Variants in RIMS1 observed in about 807,000 individuals in gnomAD.
RIMS1 encodes regulating synaptic membrane exocytosis protein 1.
In RIMS1, 83 loss-of-function variants were observed where a neutral mutation model predicts 214.1. The ratio of observed to expected loss-of-function variants is 0.39; its 90% CI spans 0.32 to 0.47. RIMS1 has a LOEUF of 0.47. Ranked by LOEUF, RIMS1 falls within the 20% of genes least tolerant of loss-of-function variation. RIMS1 has a pLI of 0.99. For synonymous variants in RIMS1, 793 were observed against 786.8 expected (o/e 1.01, Z -0.13); for missense variants, 2,050 against 2,161.8 (o/e 0.95, Z 1.03).
At chr6:71,911,377 G>T (rs1279856603) in intron 1 of RIMS1, among the ~76,000 whole-genome samples, 1 of 151,950 alleles carries the variant, frequency 6.6e-6, no homozygotes, top group Non-Finnish European at 1.5e-5. Flanking sequence ...GAATTAGAAT[G>T]GTAAATGGAC....
rs532242783 is a variant in RIMS1 at position 72,005,169 on chromosome 6, T to A, written c.245+36106T>A. ...TTGTTTTTCTCAGCTGTGTCAAAGA[T>A]CAGATAGTTTTAGATATGCGGCGTT... On this transcript the variant is annotated intron_variant, in intron 2 of 33. Coordinates refer to ENST00000521978, the MANE Select transcript of RIMS1 (RefSeq NM_014989.7). Among the ~76,000 whole-genome samples, 3 of 152,300 alleles carry A rather than the reference T, an allele frequency of 2.0e-5. No homozygotes were observed. The East Asian group carries it at 5.8e-4, about 29-fold the overall frequency.
chr6:72,074,101 C>A (rs1271828437), intron 2 of RIMS1, among the ~76,000 whole-genome samples: 1 of 152,046 alleles, frequency 6.6e-6, no homozygotes, highest in Non-Finnish European at 1.5e-5. Flanking sequence ...TGGTCTGGAA[C>A]CTTTAAGTCT....
chr6:72,107,770 T>A (rs1386107400), intron 4 of RIMS1, among the ~76,000 whole-genome samples: 1 of 152,180 alleles, frequency 6.6e-6, no homozygotes, highest in Non-Finnish European at 1.5e-5. Context: ...GCTAATTAAA[T>A]GAGAGAAGAA....
At chr6:71,924,493 T>G (rs1209908572) in intron 1 of RIMS1, among the ~76,000 whole-genome samples, 1 of 151,780 alleles carries the variant, frequency 6.6e-6, no homozygotes, top group Admixed American at 6.6e-5. Context: ...TCTTTATTTG[T>G]TTTAAACATA....
intron 6 of RIMS1, chr6:72,216,544 T>C (rs1243089423): frequency 2.0e-6 from 2 of 985,368 alleles, no homozygotes; most frequent in Non-Finnish European, 2.4e-6. Flanking sequence ...CTGAGTAAGA[T>C]TCCTCAGTTA....
chr6:72,111,699 A>G (rs978693558), intron 4 of RIMS1, among the ~76,000 whole-genome samples: 3 of 152,176 alleles, frequency 2.0e-5, no homozygotes, highest in Non-Finnish European at 2.9e-5. Flanking sequence ...TGAAAAGTCT[A>G]TGAAAGATGC....
chr6:72,272,142 G>A (rs945224814), intron 22 of RIMS1, among the ~76,000 whole-genome samples: 2 of 152,232 alleles, frequency 1.3e-5, no homozygotes, highest in East Asian at 1.9e-4. Flanking sequence ...AATCTCCAAC[G>A]TAGCCTGCCA....
At chr6:71,927,584 T>C (rs560051735) in intron 1 of RIMS1, among the ~76,000 whole-genome samples, 1 of 152,192 alleles carries the variant, frequency 6.6e-6, no homozygotes, top group South Asian at 2.1e-4. Context: ...TGTGAAAATA[T>C]GTTAGGATTA....
intron 8 of RIMS1, among the ~76,000 whole-genome samples, chr6:72,236,710 A>G (rs2064209620): frequency 6.6e-6 from 1 of 151,412 alleles, no homozygotes; most frequent in Non-Finnish European, 1.5e-5. Flanking sequence ...AGCTTCCCTG[A>G]GCAACATTGG....
chr6:72,067,904 G>A (rs1829700985), intron 2 of RIMS1, among the ~76,000 whole-genome samples: 1 of 152,090 alleles, frequency 6.6e-6, no homozygotes, highest in Admixed American at 6.6e-5. Flanking sequence ...AATTATGTGA[G>A]GGCAATGTTT....
chr6:72,007,043 C>T (rs551660432), intron 2 of RIMS1, among the ~76,000 whole-genome samples: 2 of 152,328 alleles, frequency 1.3e-5, no homozygotes, highest in African/African-American at 4.8e-5. Flanking sequence ...GGGTCCCTGA[C>T]ACCCAAGTAG....
intron 8 of RIMS1, 111 bp from the exon 9 acceptor site, chr6:72,237,712 T>G (rs2064839712): frequency 2.5e-6 from 2 of 787,560 alleles, no homozygotes; most frequent in Admixed American, 2.6e-5. Context: ...CATTAATGTT[T>G]CTACATGCAA....
At chr6:72,270,237 TATTA>T (rs994811173) in intron 22 of RIMS1, among the ~76,000 whole-genome samples, 21 of 152,190 alleles carry the variant, frequency 1.4e-4, no homozygotes, top group African/African-American at 4.8e-4. Context: ...TAACTATGTG[TATTA>T]ATTAAAATAA....
chr6:71,906,400 A>T lies in RIMS1; in HGVS notation c.164+19213A>T, dbSNP rs117282307. Among the ~76,000 whole-genome samples, 209 of 152,256 alleles carry T rather than the reference A, an allele frequency of 1.4e-3. 1 individual carries two copies. Among genetic ancestry groups the T allele is most frequent in the Non-Finnish European group, 2.2e-3 (152 of 67,998 alleles). ...CATATGTGCACTCCTTGTTATTCTTACTTTGACTCCATGCAGTTGGTGTGA... is the reference window on the plus strand; with the variant it reads ...CATATGTGCACTCCTTGTTATTCTTTCTTTGACTCCATGCAGTTGGTGTGA... On this transcript the variant is annotated intron_variant, in intron 1 of 33. Transcript: ENST00000521978.
At chr6:72,080,020 T>A (rs1832923257) in intron 2 of RIMS1, among the ~76,000 whole-genome samples, 1 of 139,368 alleles carries the variant, frequency 7.2e-6, no homozygotes, top group Admixed American at 7.9e-5. Context: ...GTGGATCACT[T>A]GAGGTCAGGA....
intron 1 of RIMS1, among the ~76,000 whole-genome samples, chr6:71,946,930 A>G (rs1788000173): frequency 6.6e-6 from 1 of 152,144 alleles, no homozygotes; most frequent in Non-Finnish European, 1.5e-5. Context: ...AGGAACTCAA[A>G]CAACTCAGTA....
intron 6 of RIMS1, chr6:72,217,197 T>C (rs1487651510): frequency 8.5e-6 from 13 of 1,536,800 alleles, no homozygotes; most frequent in Non-Finnish European, 1.1e-5. Context: ...TTATGTTTGC[T>C]GGGTTTCTGC....
chr6:72,385,840 C>A (rs1234129053), intron 29 of RIMS1, among the ~76,000 whole-genome samples: 2 of 152,150 alleles, frequency 1.3e-5, no homozygotes, highest in African/African-American at 2.4e-5. Context: ...TGAATTTAAA[C>A]AAGGCAAATT....
At chr6:72,366,678 G>A (rs2098036292) in intron 29 of RIMS1, 1 of 983,386 alleles carries the variant, frequency 1.0e-6, no homozygotes, top group Non-Finnish European at 1.2e-6. Context: ...GAAGGAGAGA[G>A]TGTCGGAGGG....
Sources: allele counts gnomAD v4.1 joint callset (sites outside exome capture counted in the v4.1 genomes callset), GRCh38; gene constraint gnomAD v4.1.1; transcripts MANE v1.5; gene names NCBI Gene and HGNC (gene_info 2026-07-23, HGNC 2026-07-21).